The following SREK1IP1 variants were observed in gnomAD, a reference collection of about 807,000 sequenced individuals.
SREK1IP1 encodes protein SREK1IP1.
A neutral mutation model predicts 22.8 loss-of-function variants in SREK1IP1; 12 were observed. The ratio of observed to expected loss-of-function variants is 0.53; its 90% CI spans 0.34 to 0.85. The LOEUF is 0.85. Among genes scored for constraint, SREK1IP1 ranks in the 40% least tolerant of loss-of-function variants. The pLI is 0.02. For missense variants in SREK1IP1, 147 were observed against 171.8 expected, an observed-to-expected ratio of 0.86 and a Z score of 0.81; for synonymous variants, 53 against 52.7, an observed-to-expected ratio of 1.01 and a Z score of -0.02.
chr5:64,739,762 C>T (rs1358991744), intron 3 of SREK1IP1, among the ~76,000 whole-genome samples: 1 of 152,022 alleles, frequency 6.6e-6, no homozygotes, highest in South Asian at 2.1e-4. Flanking sequence ...TACCCTGAAG[C>T]TGTATATACT....
intron 2 of SREK1IP1, among the ~76,000 whole-genome samples, chr5:64,747,956 C>T (rs1185169302): frequency 6.6e-6 from 1 of 152,012 alleles, no homozygotes; most frequent in Non-Finnish European, 1.5e-5. Flanking sequence ...ACCAGTTTGG[C>T]AGTTTTTCAA....
chr5:64,731,770 G>A (rs1427634572), intron 3 of SREK1IP1, among the ~76,000 whole-genome samples: 1 of 151,988 alleles, frequency 6.6e-6, no homozygotes, highest in Admixed American at 6.6e-5. Flanking sequence ...AAAAATAATG[G>A]CCAGACCAAA....
At chr5:64,725,923 G>A (rs548838473) in intron 4 of SREK1IP1, among the ~76,000 whole-genome samples, 18 of 143,368 alleles carry the variant, frequency 1.3e-4, no homozygotes, top group Non-Finnish European at 2.4e-4. Context: ...GGAGTGCAAT[G>A]GCGTGATCTC....
At chr5:64,727,553 A>ATATATTTTTTT in intron 4 of SREK1IP1, 2 of 84,716 alleles carry the variant, frequency 2.4e-5, no homozygotes, top group African/African-American at 1.1e-4. Flanking sequence ...ATATATATAT[A>ATATATTTTTTT]TTTTTTTTTT....
At chr5:64,747,932 C>CA (rs957407815) in intron 2 of SREK1IP1, among the ~76,000 whole-genome samples, 3 of 148,150 alleles carry the variant, frequency 2.0e-5, no homozygotes, top group East Asian at 2.0e-4. Context: ...GACTCCACCT[C>CA]AAAAAAAAAG....
chr5:64,723,227 C>G lies in SREK1IP1; in HGVS notation c.*1157G>C, dbSNP rs1390861626. On this transcript the variant is annotated 3_prime_UTR_variant, in exon 5 of 5. Coordinates refer to ENST00000513458, the MANE Select transcript of SREK1IP1 (RefSeq NM_173829.4). ...CCCATATAAAATTTCCATTATTATA[C>G]AAAGGCTTTCATGATGCAACTCCCT... The G allele has an allele frequency of 6.6e-6, 1 of 152,134 alleles. No homozygotes were observed. Among genetic ancestry groups the G allele is most frequent in the Non-Finnish European group, 1.5e-5 (1 of 68,016 alleles). The allele number at this position is 152,134 out of a possible 1,614,324, so 9.4% of individuals were successfully genotyped here.
intron 1 of SREK1IP1, among the ~76,000 whole-genome samples, chr5:64,760,314 A>G (rs1742925286): frequency 6.6e-6 from 1 of 152,216 alleles, no homozygotes; most frequent in Non-Finnish European, 1.5e-5. Flanking sequence ...TTCTAGCCTC[A>G]TGCATTTCAA....
At chr5:64,752,014 T>C (rs1288302970) in intron 2 of SREK1IP1, among the ~76,000 whole-genome samples, 2 of 152,284 alleles carry the variant, frequency 1.3e-5, no homozygotes, top group East Asian at 3.9e-4. Context: ...ATTTGAGACA[T>C]TTATCCCATA....
intron 3 of SREK1IP1, among the ~76,000 whole-genome samples, chr5:64,729,169 C>T (rs1260202133): frequency 1.3e-5 from 2 of 152,152 alleles, no homozygotes; most frequent in African/African-American, 2.4e-5. Context: ...TTATTGACCA[C>T]GCTTTCATTT....
At chr5:64,757,861 C>CT (rs59456636) in intron 1 of SREK1IP1, among the ~76,000 whole-genome samples, 6,413 of 72,798 alleles carry the variant, frequency 0.088, 1,917 homozygotes, top group Non-Finnish European at 0.12. Flanking sequence ...AGGTTCCTAT[C>CT]TTTTTTTTTT....
rs1326865606 is a variant in SREK1IP1 at position 64,723,324 on chromosome 5, G to A, written c.*1060C>T. On this transcript the variant is annotated 3_prime_UTR_variant, in exon 5 of 5. Transcript: ENST00000513458. ...TTTGACACTTTTTACTCTTGAGTTTGCCACTAAAGTAAAAGAGAGAAACAT... is the reference window on the plus strand; with the variant it reads ...TTTGACACTTTTTACTCTTGAGTTTACCACTAAAGTAAAAGAGAGAAACAT... 6.6e-6 allele frequency: 1 copy of A among 151,996 alleles called. No individual in the cohort carries two copies. Among genetic ancestry groups the A allele is most frequent in the Non-Finnish European group, 1.5e-5 (1 of 68,006 alleles). The allele number at this position is 151,996 out of a possible 1,614,324, so 9.4% of individuals were successfully genotyped here.
At chr5:64,759,981 G>A (rs930388242) in intron 1 of SREK1IP1, among the ~76,000 whole-genome samples, 23 of 152,036 alleles carry the variant, frequency 1.5e-4, no homozygotes, top group Non-Finnish European at 3.1e-4. Context: ...CTCACATTTG[G>A]GAATTAGTTC....
chr5:64,758,360 G>C (rs1433301586), intron 1 of SREK1IP1, among the ~76,000 whole-genome samples: 1 of 152,086 alleles, frequency 6.6e-6, no homozygotes, highest in Non-Finnish European at 1.5e-5. Context: ...GTAGAGACGG[G>C]GTTTCACCAT....
chr5:64,759,292 C>T (rs765702656), intron 1 of SREK1IP1, among the ~76,000 whole-genome samples: 2 of 152,116 alleles, frequency 1.3e-5, no homozygotes, highest in South Asian at 2.1e-4. Flanking sequence ...GCTGATATAA[C>T]GGTACTCAAA....
intron 3 of SREK1IP1, among the ~76,000 whole-genome samples, chr5:64,736,715 G>A (rs939052896): frequency 2.6e-5 from 4 of 151,792 alleles, no homozygotes; most frequent in African/African-American, 7.3e-5. Flanking sequence ...CGCCTACCTC[G>A]GCCTCCCAAA....
At chr5:64,747,752 C>T (rs913410393) in intron 2 of SREK1IP1, among the ~76,000 whole-genome samples, 5 of 152,004 alleles carry the variant, frequency 3.3e-5, no homozygotes, top group Non-Finnish European at 7.4e-5. Context: ...CACGGTGTAA[C>T]CTCGTCTATA....
rs1742138178 is a variant in SREK1IP1 at position 64,720,397 on chromosome 5, T to C, written c.*3987A>G. ...AATAGAGCCTAAAATAATCAAATTATATTTTATGTAGCCTTCTAATGAAAG... is the reference window on the plus strand; with the variant it reads ...AATAGAGCCTAAAATAATCAAATTACATTTTATGTAGCCTTCTAATGAAAG... On this transcript the variant is annotated 3_prime_UTR_variant, in exon 5 of 5. Transcript: ENST00000513458. 6.6e-6 allele frequency: 1 copy of C among 152,200 alleles called. No homozygotes were observed. The highest frequency in any genetic ancestry group is 2.1e-4 in the South Asian group (1 of 4,828). The allele number at this position is 152,200 out of a possible 1,614,324, so 9.4% of individuals were successfully genotyped here. A position where few individuals can be genotyped will look rare whatever the true frequency, so the allele number is the denominator to read the frequency against.
In SREK1IP1 at chr5:64,768,623, A is replaced by G; in HGVS notation, c.-106T>C. The G allele has an allele frequency of 2.0e-6, 3 of 1,492,966 alleles. No individual in the cohort carries two copies. The highest frequency in any genetic ancestry group is 2.8e-6 in the Non-Finnish European group (3 of 1,082,358). 92.5% of individuals were successfully genotyped at this position (1,492,966 alleles called of 1,614,324 possible). A position where few individuals can be genotyped will look rare whatever the true frequency, so the allele number is the denominator to read the frequency against. ...GTCAAAGCGGCGTTTTCCTTCCCCC[A>G]GCGCAGCAGCACCCTCGCTACGGTC... is the stretch of plus-strand genomic sequence containing the variant. On this transcript the variant is annotated 5_prime_UTR_variant, in exon 1 of 5. Coordinates refer to ENST00000513458, the MANE Select transcript of SREK1IP1 (RefSeq NM_173829.4).
At chr5:64,727,763 G>A (rs575860785) in intron 4 of SREK1IP1, 1 of 156,128 alleles carries the variant, frequency 6.4e-6, no homozygotes, top group African/African-American at 2.4e-5. Flanking sequence ...GCCCAAGCCT[G>A]TCTCAAACTT....
Sources: allele counts gnomAD v4.1 joint callset (sites outside exome capture counted in the v4.1 genomes callset), GRCh38; gene constraint gnomAD v4.1.1; transcripts MANE v1.5; gene names NCBI Gene and HGNC (gene_info 2026-07-23, HGNC 2026-07-21).